Variants in PIK3C2A observed in about 807,000 individuals in gnomAD.
PIK3C2A encodes the protein phosphatidylinositol-4-phosphate 3-kinase catalytic subunit type 2 alpha, also known as phosphatidylinositol 4-phosphate 3-kinase C2 domain-containing subunit alpha.
PIK3C2A carries 97 observed loss-of-function variants against 204.5 expected under a neutral mutation model. The ratio of observed to expected loss-of-function variants is 0.47; its 90% CI spans 0.40 to 0.56. The LOEUF (loss-of-function observed/expected upper bound fraction) is 0.56. Among genes scored for constraint, PIK3C2A ranks in the 20% least tolerant of loss-of-function variants. The pLI is 0.00. For missense variants in PIK3C2A, 1,735 were observed against 1,969.2 expected (o/e 0.88, Z 2.25); for synonymous variants, 653 against 664.4 (o/e 0.98, Z 0.26).
chr11:17,159,470 C>T (rs2137459701), intron 2 of PIK3C2A, among the ~76,000 whole-genome samples: 1 of 152,360 alleles, frequency 6.6e-6, no homozygotes, highest in South Asian at 2.1e-4. Flanking sequence ...AGGTCATCGT[C>T]TAGAAATGTT....
intron 23 of PIK3C2A, among the ~76,000 whole-genome samples, chr11:17,103,649 A>G (rs1404200208): frequency 6.6e-6 from 1 of 152,214 alleles, no homozygotes; most frequent in Non-Finnish European, 1.5e-5. Flanking sequence ...TAACATATTT[A>G]GAATCTCACA....
chr11:17,146,438 C>T lies in PIK3C2A; in HGVS notation c.1561-496G>A, dbSNP rs368647869. Among the ~76,000 whole-genome samples, 54 of 152,142 alleles carry T rather than the reference C, an allele frequency of 3.5e-4. 1 individual carries two copies. The South Asian group carries it at 0.01, about 29-fold the overall frequency. On this transcript the variant is annotated intron_variant, in intron 6 of 32. Transcript: ENST00000691414. ...GTCAAGAACATCATTCCTGACAGGG[C>T]GCGGTGGCTCACGCCTGTAATCCCA...
chr11:17,122,535 A>T (rs143169766), intron 14 of PIK3C2A, among the ~76,000 whole-genome samples, 167 bp downstream of exon 14: 54 of 152,298 alleles, frequency 3.5e-4, no homozygotes, highest in African/African-American at 1.2e-3. Context: ...AGTACAGTGC[A>T]TGTTTTACTG....
chr11:17,194,245 T>G (rs1852060594), intron 1 of PIK3C2A: 1 of 341,166 alleles, frequency 2.9e-6, no homozygotes, highest in African/African-American at 2.1e-5. Flanking sequence ...AGGCTGCAAC[T>G]CCAGCTTCAG....
chr11:17,129,498 A>C (rs2137372627), intron 12 of PIK3C2A, 31 bp from the exon 13 acceptor site: 1 of 1,360,638 alleles, frequency 7.3e-7, no homozygotes, highest in East Asian at 2.3e-5. Context: ...TAATAGAACA[A>C]ATTAGATTGA....
Position 17,090,742 on chromosome 11 carries a change from A to AT in PIK3C2A, c.4878+591dup, listed in dbSNP as rs147999470. ...AGCAACTGATACCTAAAAACTTAAA[A>AT]TTTTTTTTTTTTTGGGACAGGGTCT... On this transcript the variant is annotated intron_variant, in intron 32 of 32. Coordinates refer to ENST00000691414, the MANE Select transcript of PIK3C2A (RefSeq NM_002645.4). Among the ~76,000 whole-genome samples the AT allele has an allele frequency of 7.6e-4, 111 of 145,256 alleles. No individual in the cohort carries two copies. In the Middle Eastern group the frequency reaches 0.011, roughly 14 times the overall value.
Position 17,105,222 on chromosome 11 carries a change from G to A in PIK3C2A, c.3628C>T (p.Pro1210Ser). 5 of 1,611,438 alleles carry A rather than the reference G, an allele frequency of 3.1e-6. No homozygotes were observed. Among genetic ancestry groups the A allele is most frequent in the Non-Finnish European group, 4.2e-6 (5 of 1,177,848 alleles). The change falls in exon 23 of 33, where the codon CCA (proline) becomes TCA (serine). Residue 1210 changes from proline (P) to serine (S), a missense_variant. Physicochemically the swap from Pro to Ser is moderately conservative, Grantham distance 74. Coordinates refer to ENST00000691414, the MANE Select transcript of PIK3C2A (RefSeq NM_002645.4). Reference sequence around the variant, plus strand: ...TATTTCCTTAGCCACTCTGCAAGTGGTTTATCTTTAAAGGATCCTGTCACA... The same window carrying A: ...TATTTCCTTAGCCACTCTGCAAGTGATTTATCTTTAAAGGATCCTGTCACA... ...YGVTGSFKDK[P>S]LAEWLRKYNP... is the part of the protein sequence containing the mutation.
rs1849570986 is a variant in PIK3C2A, at chr11:17,127,803, T to A, written c.2399+1497A>T. Among the ~76,000 whole-genome samples the A allele has an allele frequency of 2.6e-5, 4 of 152,332 alleles. No homozygotes were observed. The South Asian group carries it at 8.3e-4, about 32-fold the overall frequency. On this transcript the variant is annotated intron_variant, in intron 13 of 32. Transcript: ENST00000691414. ...GTATTTGTTTTAAGTTAAATAGATC[T>A]ATTATTAAAGCATTTCCCAAACTGT...
intron 13 of PIK3C2A, among the ~76,000 whole-genome samples, chr11:17,125,109 A>G (rs1043856135): frequency 1.3e-5 from 2 of 152,228 alleles, no homozygotes; most frequent in Non-Finnish European, 2.9e-5. Flanking sequence ...AGTTTAAGCC[A>G]TCAATTATGA....
chr11:17,205,688 A>G (rs1334248847), intron 1 of PIK3C2A, among the ~76,000 whole-genome samples: 3 of 152,320 alleles, frequency 2.0e-5, no homozygotes, highest in East Asian at 3.9e-4. Flanking sequence ...ATGGGAATTA[A>G]TGCAAGCAAT....
At chr11:17,153,436 C>CAA (rs926336936) in intron 3 of PIK3C2A, among the ~76,000 whole-genome samples, 1 of 86,836 alleles carries the variant, frequency 1.2e-5, no homozygotes, top group Non-Finnish European at 2.4e-5. Context: ...AACTCCATTT[C>CAA]AAAAAAAAAA....
At chr11:17,136,427 C>T (rs1849874279) in intron 9 of PIK3C2A, 55 bp downstream of exon 9, 6 of 1,351,804 alleles carry the variant, frequency 4.4e-6, no homozygotes, top group Non-Finnish European at 6.3e-6. Flanking sequence ...GCAAAAATCT[C>T]CTGTTTAAGT....
At chr11:17,124,689 C>T (rs557056639) in intron 13 of PIK3C2A, among the ~76,000 whole-genome samples, 1 of 152,262 alleles carries the variant, frequency 6.6e-6, no homozygotes, top group South Asian at 2.1e-4. Flanking sequence ...GTACTGTCTA[C>T]GACTGCTTTT....
At chr11:17,126,087 G>T (rs541884161) in intron 13 of PIK3C2A, among the ~76,000 whole-genome samples, 1 of 152,214 alleles carries the variant, frequency 6.6e-6, no homozygotes, top group South Asian at 2.1e-4. Context: ...TCATGCCATT[G>T]CACTCCAACC....
At chr11:17,147,705 C>A (rs1850288094) in intron 5 of PIK3C2A, 77 bp from the exon 6 acceptor site, 2 of 710,690 alleles carry the variant, frequency 2.8e-6, no homozygotes, top group South Asian at 1.9e-5. Context: ...TTAAATTGCA[C>A]CTGCATCAGA....
chr11:17,194,865 C>A (rs182617525), intron 1 of PIK3C2A, among the ~76,000 whole-genome samples: 3 of 148,742 alleles, frequency 2.0e-5, no homozygotes, highest in African/African-American at 7.5e-5. Context: ...GCCGAGACTG[C>A]GACATTGCAC....
intron 28 of PIK3C2A, 138 bp downstream of exon 28, chr11:17,094,123 G>A: frequency 1.8e-6 from 1 of 561,080 alleles, no homozygotes; most frequent in Non-Finnish European, 3.1e-6. Context: ...TTTTGTATTA[G>A]GTCTTTATGA....
chr11:17,117,642 T>C lies in PIK3C2A; in HGVS notation c.3065A>G (p.Gln1022Arg). ...WLLKDALHDV[Q>R]FSTRYEHVLG... ...AACATGTTCGTATCGGGTACTAAAC[T>C]GTACATCATGCAGGGCATCTTTGAG... The change falls in exon 19 of 33, where the codon CAG becomes CGG. Residue 1022 changes from glutamine (Q) to arginine (R), a missense_variant. Transcript: ENST00000691414. 2 of 1,609,942 alleles carry C rather than the reference T, an allele frequency of 1.2e-6. No homozygotes were observed. Among genetic ancestry groups the C allele is most frequent in the South Asian group, 2.2e-5 (2 of 90,686 alleles).
At chr11:17,150,740 C>A (rs906085955) in intron 3 of PIK3C2A, 85 bp from the exon 4 acceptor site, 3 of 895,802 alleles carry the variant, frequency 3.3e-6, no homozygotes, top group African/African-American at 3.5e-5. Context: ...TGTTTACAGC[C>A]ACTCAGTTCT....
Sources: gnomAD v4.1 joint callset for allele counts (sites outside exome capture counted in the v4.1 genomes callset) on GRCh38, gnomAD v4.1.1 for gene constraint, MANE v1.5 for transcripts, NCBI Gene and HGNC (gene_info 2026-07-23, HGNC 2026-07-21) for gene names.